PDGFD: variants seen among roughly 807,000 people sequenced by gnomAD.
PDGFD encodes platelet derived growth factor D.
PDGFD carries 30 observed loss-of-function variants against 44.7 expected under a neutral mutation model. The observed-to-expected ratio is 0.67, with a 90% CI of 0.50 to 0.91. The LOEUF (loss-of-function observed/expected upper bound fraction) is 0.91. PDGFD is among the 40% of genes least tolerant of loss of function. The probability of loss-of-function intolerance (pLI) is 0.00; values close to 1 mark genes in which losing one functional copy is unlikely to be tolerated. For synonymous variants in PDGFD, 173 were observed against 168.4 expected, an observed-to-expected ratio of 1.03 and a Z score of -0.21; for missense variants, 445 against 457.8, an observed-to-expected ratio of 0.97 and a Z score of 0.25.
intron 1 of PDGFD, among the ~76,000 whole-genome samples, chr11:104,117,045 G>A (rs570692261): frequency 6.6e-6 from 1 of 151,856 alleles, no homozygotes; most frequent in African/African-American, 2.4e-5. Flanking sequence ...GATCAAGTAG[G>A]TTTCATACCA....
At chr11:104,015,844 C>T (rs1294785256) in intron 1 of PDGFD, among the ~76,000 whole-genome samples, 1 of 152,074 alleles carries the variant, frequency 6.6e-6, no homozygotes, top group Non-Finnish European at 1.5e-5. Flanking sequence ...AACAGAGACA[C>T]AGACAGTCCC....
intron 6 of PDGFD, among the ~76,000 whole-genome samples, chr11:103,921,061 C>T (rs996715619): frequency 2.0e-5 from 3 of 152,062 alleles, no homozygotes; most frequent in Non-Finnish European, 2.9e-5. Flanking sequence ...CTCAGTTGCC[C>T]CTCCATGTGG....
At chr11:103,967,139 T>C (rs1032777198) in intron 3 of PDGFD, among the ~76,000 whole-genome samples, 8 of 152,224 alleles carry the variant, frequency 5.3e-5, no homozygotes, top group Non-Finnish European at 1.2e-4. Context: ...TTAAAAGATA[T>C]TGTAGGCATA....
At chr11:104,129,673 G>A (rs1186963610) in intron 1 of PDGFD, among the ~76,000 whole-genome samples, 1 of 152,104 alleles carries the variant, frequency 6.6e-6, no homozygotes, top group African/African-American at 2.4e-5. Context: ...ACTGTAATCA[G>A]TGTTTTGGAG....
intron 1 of PDGFD, among the ~76,000 whole-genome samples, chr11:104,016,552 G>A (rs1337990869): frequency 1.3e-5 from 2 of 152,186 alleles, no homozygotes; most frequent in Admixed American, 1.3e-4. Context: ...TGAGGCCCAT[G>A]TCCACCCATC....
chr11:103,914,342 G>A (rs1858079793), intron 6 of PDGFD, among the ~76,000 whole-genome samples: 1 of 152,094 alleles, frequency 6.6e-6, no homozygotes, highest in Non-Finnish European at 1.5e-5. Context: ...AGTTGGTCAT[G>A]ATCCCTTTGG....
chr11:103,946,091 C>T (rs567634442), intron 4 of PDGFD: 1 of 152,164 alleles, frequency 6.6e-6, no homozygotes, highest in Middle Eastern at 3.4e-3. Flanking sequence ...GCTTTTGTCA[C>T]GTATTTATAA....
At chr11:103,998,003 C>A (rs1170030094) in intron 2 of PDGFD, among the ~76,000 whole-genome samples, 1 of 152,112 alleles carries the variant, frequency 6.6e-6, no homozygotes, top group East Asian at 1.9e-4. Context: ...CACTGTTCCT[C>A]CCTTAATTTC....
At chr11:104,146,651 T>A (rs1862167223) in intron 1 of PDGFD, among the ~76,000 whole-genome samples, 1 of 152,162 alleles carries the variant, frequency 6.6e-6, no homozygotes, top group Non-Finnish European at 1.5e-5. Flanking sequence ...ATCAAGGGGA[T>A]GGGCCTGAAG....
At chr11:104,023,539 T>C (rs1859995232) in intron 1 of PDGFD, among the ~76,000 whole-genome samples, 1 of 152,202 alleles carries the variant, frequency 6.6e-6, no homozygotes, top group Non-Finnish European at 1.5e-5. Context: ...GGCTTTAGTA[T>C]ATAAAAGCGC....
At chr11:104,048,371 C>T (rs992599596) in intron 1 of PDGFD, among the ~76,000 whole-genome samples, 1 of 151,638 alleles carries the variant, frequency 6.6e-6, no homozygotes, top group South Asian at 2.1e-4. Flanking sequence ...TCTGATTCTG[C>T]CATTCATTTA....
chr11:103,994,581 A>T (rs1353760627), intron 3 of PDGFD, among the ~76,000 whole-genome samples: 1 of 152,212 alleles, frequency 6.6e-6, no homozygotes, highest in Non-Finnish European at 1.5e-5. Flanking sequence ...TAGATTTTTT[A>T]AAAAGCAAGT....
chr11:103,989,558 A>T (rs1418695472), intron 3 of PDGFD, among the ~76,000 whole-genome samples: 1 of 152,222 alleles, frequency 6.6e-6, no homozygotes, highest in Admixed American at 6.5e-5. Context: ...AATAGAGTTC[A>T]TGGGACAGTG....
intron 1 of PDGFD, among the ~76,000 whole-genome samples, chr11:104,054,409 T>C (rs547252005): frequency 6.6e-6 from 1 of 152,108 alleles, no homozygotes; most frequent in Admixed American, 6.5e-5. Flanking sequence ...TATACGACAA[T>C]GTAAAAGAAA....
At chr11:104,069,773 T>C (rs1413183111) in intron 1 of PDGFD, among the ~76,000 whole-genome samples, 1 of 152,178 alleles carries the variant, frequency 6.6e-6, no homozygotes, top group Non-Finnish European at 1.5e-5. Context: ...GGCAGGAGAA[T>C]GGCGTGAACC....
At chr11:104,057,250 A>G (rs1274837336) in intron 1 of PDGFD, among the ~76,000 whole-genome samples, 1 of 152,192 alleles carries the variant, frequency 6.6e-6, no homozygotes, top group Non-Finnish European at 1.5e-5. Context: ...TATTAAACTG[A>G]AAAACCCAAT....
At chr11:104,068,488 A>G (rs1327801996) in intron 1 of PDGFD, among the ~76,000 whole-genome samples, 2 of 152,200 alleles carry the variant, frequency 1.3e-5, no homozygotes, top group Non-Finnish European at 2.9e-5. Flanking sequence ...CCAATTAAAT[A>G]TTGTTGTACA....
At chr11:104,065,316 C>T (rs916687773) in intron 1 of PDGFD, among the ~76,000 whole-genome samples, 7 of 152,154 alleles carry the variant, frequency 4.6e-5, no homozygotes, top group Non-Finnish European at 2.9e-5. Context: ...AATATAACTA[C>T]TATTTCTATT....
intron 1 of PDGFD, among the ~76,000 whole-genome samples, chr11:104,027,533 A>C (rs1238477078): frequency 6.6e-6 from 1 of 152,234 alleles, no homozygotes; most frequent in Non-Finnish European, 1.5e-5. Flanking sequence ...ACATAAGAGG[A>C]TAATGAGGCT....
Sources: gnomAD v4.1 joint callset for allele counts (sites outside exome capture counted in the v4.1 genomes callset) on GRCh38, gnomAD v4.1.1 for gene constraint, MANE v1.5 for transcripts, NCBI Gene and HGNC (gene_info 2026-07-23, HGNC 2026-07-21) for gene names.